GRHL2: variants seen among roughly 807,000 people sequenced by gnomAD.
GRHL2 encodes grainyhead-like protein 2 homolog.
A neutral mutation model predicts 83.8 loss-of-function variants in GRHL2; 21 were observed. That is an observed-to-expected ratio of 0.25 (90% CI 0.18 to 0.36). The LOEUF is 0.36. GRHL2 is among the 10% of genes least tolerant of loss of function. The pLI is 1.00. For missense variants in GRHL2, 623 were observed against 781.8 expected, an observed-to-expected ratio of 0.80 and a Z score of 2.42; for synonymous variants, 280 against 278.9, an observed-to-expected ratio of 1.00 and a Z score of -0.04.
At position 101,669,591 on chromosome 8, in the gene GRHL2, T is replaced by TAAA. The variant is rs11342848; in HGVS notation, c.*2897_*2899dup. ...ATATGTACAATTTGCTCTCATGTTTTAAAAAAAAAAAGGTAAATGTAACTT... is the reference window on the plus strand; with the variant it reads ...ATATGTACAATTTGCTCTCATGTTTTAAAAAAAAAAAAAAGGTAAATGTAACTT... On this transcript the variant is annotated 3_prime_UTR_variant, in exon 16 of 16. Coordinates refer to ENST00000646743, the MANE Select transcript of GRHL2 (RefSeq NM_024915.4). 1.3e-5 allele frequency: 2 copies of TAAA among 149,680 alleles called. No homozygotes were observed. Among genetic ancestry groups the TAAA allele is most frequent in the East Asian group, 3.9e-4 (2 of 5,140 alleles). 9.3% of individuals were successfully genotyped at this position (149,680 alleles called of 1,614,324 possible). A position where few individuals can be genotyped will look rare whatever the true frequency, so the allele number is the denominator to read the frequency against.
At chr8:101,676,775 G>A in the GRHL2 span, among the ~76,000 whole-genome samples, 41 of 152,170 alleles carry the variant, frequency 2.7e-4, no homozygotes, top group Admixed American at 1.9e-3. Flanking sequence ...TGTTTATTGC[G>A]GTACTATTCA....
At chr8:101,603,363 G>A (rs889684375) in intron 8 of GRHL2, among the ~76,000 whole-genome samples, 3 of 152,056 alleles carry the variant, frequency 2.0e-5, no homozygotes, top group Admixed American at 6.5e-5. Context: ...AAACCAATCC[G>A]GTATTTGGTA....
intron 1 of GRHL2, among the ~76,000 whole-genome samples, chr8:101,542,384 G>A (rs575943519): frequency 5.1e-4 from 77 of 151,820 alleles, no homozygotes; most frequent in African/African-American, 1.7e-3. Context: ...GAGAACAGCC[G>A]TCTCTACTAA....
At chr8:101,652,400 T>TGTGTGG in intron 14 of GRHL2, among the ~76,000 whole-genome samples, 1 of 35,892 alleles carries the variant, frequency 2.8e-5, no homozygotes, top group Admixed American at 3.1e-4. Context: ...TGTGTGTGTC[T>TGTGTGG]GGTGTGTGTG....
chr8:101,677,203 A>AATAAT, the GRHL2 span, among the ~76,000 whole-genome samples: 5 of 148,318 alleles, frequency 3.4e-5, no homozygotes, highest in African/African-American at 7.6e-5. Flanking sequence ...CCTAAAACTT[A>AATAAT]AATAATAACA....
intron 15 of GRHL2, among the ~76,000 whole-genome samples, chr8:101,664,806 G>A (rs1341490326): frequency 1.3e-5 from 2 of 151,990 alleles, no homozygotes; most frequent in African/African-American, 4.8e-5. Flanking sequence ...TGGGGAGAAT[G>A]GCAAAATCAC....
At chr8:101,642,064 G>A (rs1022178131) in intron 12 of GRHL2, among the ~76,000 whole-genome samples, 10 of 152,178 alleles carry the variant, frequency 6.6e-5, no homozygotes, top group African/African-American at 2.4e-4. Flanking sequence ...GAAACCCACA[G>A]CTACAGAGGG....
chr8:101,550,286 G>A (rs1392644098), intron 2 of GRHL2, among the ~76,000 whole-genome samples: 6 of 151,972 alleles, frequency 3.9e-5, no homozygotes, highest in East Asian at 1.9e-4. Context: ...TTTGGGATAC[G>A]ACTGTGCCCA....
intron 8 of GRHL2, among the ~76,000 whole-genome samples, chr8:101,606,178 A>G (rs1233870628): frequency 6.6e-6 from 1 of 152,218 alleles, no homozygotes; most frequent in Non-Finnish European, 1.5e-5. Context: ...CACATTTACC[A>G]GGGTGGTAAT....
intron 9 of GRHL2, among the ~76,000 whole-genome samples, chr8:101,620,730 A>C (rs1812948481): frequency 6.6e-6 from 1 of 152,184 alleles, no homozygotes; most frequent in African/African-American, 2.4e-5. Flanking sequence ...GAAACCTACA[A>C]AGTTTTCCAA....
chr8:101,570,325 C>G lies in GRHL2; in HGVS notation c.679-14C>G, dbSNP rs774840543. ...TACCTATTTGTTTTAATTCCGATGA[C>G]TCATATTTTGCAGAAATTTCGGAGT... On this transcript the variant is annotated splice_polypyrimidine_tract_variant and intron_variant, in intron 4 of 15. Coordinates refer to ENST00000646743, the MANE Select transcript of GRHL2 (RefSeq NM_024915.4). The G allele has an allele frequency of 9.3e-6, 15 of 1,609,788 alleles. No individual in the cohort carries two copies. The African/African-American group carries it at 1.3e-4, about 14-fold the overall frequency.
chr8:101,513,270 T>C (rs896931548), intron 1 of GRHL2, among the ~76,000 whole-genome samples: 1 of 152,128 alleles, frequency 6.6e-6, no homozygotes, highest in African/African-American at 2.4e-5. Context: ...GGTTGTGGCC[T>C]TGGGTAAATT....
intron 14 of GRHL2, among the ~76,000 whole-genome samples, chr8:101,653,737 CAAA>C (rs35741171): frequency 5.3e-5 from 6 of 113,792 alleles, no homozygotes; most frequent in African/African-American, 2.5e-4. Context: ...GACTCTGTCT[CAAA>C]AAAAAAACAA....
At chr8:101,526,500 A>G (rs1442525472) in intron 1 of GRHL2, among the ~76,000 whole-genome samples, 4 of 150,280 alleles carry the variant, frequency 2.7e-5, no homozygotes, top group African/African-American at 9.8e-5. Flanking sequence ...GGTGGATGCA[A>G]GTTTCCAAAA....
chr8:101,608,897 A>G (rs1224407904), intron 8 of GRHL2, among the ~76,000 whole-genome samples: 1 of 150,238 alleles, frequency 6.7e-6, no homozygotes, highest in Non-Finnish European at 1.5e-5. Context: ...GGACTTAGAC[A>G]TAAGGAAGTT....
At chr8:101,563,586 A>G (rs950856001) in intron 4 of GRHL2, among the ~76,000 whole-genome samples, 1 of 152,192 alleles carries the variant, frequency 6.6e-6, no homozygotes, top group East Asian at 1.9e-4. Flanking sequence ...AGAGGCTGTC[A>G]TATTTCTTGG....
downstream of GRHL2, among the ~76,000 whole-genome samples, chr8:101,670,512 G>C (rs116929886): frequency 1.3e-5 from 2 of 152,238 alleles, no homozygotes; most frequent in South Asian, 4.1e-4. Flanking sequence ...TGGAGGAAGC[G>C]CTCATTGCAG....
chr8:101,673,703 G>A (rs1474750009), downstream of GRHL2, among the ~76,000 whole-genome samples: 8 of 151,906 alleles, frequency 5.3e-5, no homozygotes, highest in East Asian at 1.5e-3. Context: ...TGCACCAAGA[G>A]GACCTAATAG....
At chr8:101,586,319 T>C (rs1586121262) in intron 7 of GRHL2, among the ~76,000 whole-genome samples, 1 of 152,276 alleles carries the variant, frequency 6.6e-6, no homozygotes, top group African/African-American at 2.4e-5. Flanking sequence ...CTTTTATTAA[T>C]ATTTTAAAAT....
Sources: gnomAD v4.1 joint callset for allele counts (sites outside exome capture counted in the v4.1 genomes callset) on GRCh38, gnomAD v4.1.1 for gene constraint, MANE v1.5 for transcripts, NCBI Gene and HGNC (gene_info 2026-07-23, HGNC 2026-07-21) for gene names.